ZC3H12C: variants seen among roughly 807,000 people sequenced by gnomAD.
ZC3H12C encodes the protein zinc finger CCCH-type containing 12C.
A neutral mutation model predicts 76.3 loss-of-function variants in ZC3H12C; 20 were observed. The ratio of observed to expected loss-of-function variants is 0.26; its 90% CI spans 0.18 to 0.38. The LOEUF (loss-of-function observed/expected upper bound fraction) is 0.38, where lower values mean the gene tolerates loss of function less well. Among genes scored for constraint, ZC3H12C ranks in the 10% least tolerant of loss-of-function variants. The pLI, the probability that ZC3H12C is intolerant of heterozygous loss-of-function variation, is 1.00. For missense variants in ZC3H12C, 874 were observed against 1,086.5 expected (o/e 0.80, Z 2.75); for synonymous variants, 352 against 399.6 (o/e 0.88, Z 1.42).
intron 2 of ZC3H12C, among the ~76,000 whole-genome samples, chr11:110,143,438 T>C (rs1456957852): frequency 1.3e-5 from 2 of 151,954 alleles, no homozygotes; most frequent in Non-Finnish European, 2.9e-5. Flanking sequence ...AGGCCTAAAA[T>C]ATGAGAAAAA....
intron 2 of ZC3H12C, among the ~76,000 whole-genome samples, chr11:110,149,356 T>A (rs1214399550): frequency 1.3e-5 from 2 of 152,190 alleles, no homozygotes; most frequent in African/African-American, 4.8e-5. Context: ...GGGAGGAGGA[T>A]GAAAGGCAGT....
rs1255139567 is a variant in ZC3H12C, at chr11:110,171,766, G to C, written c.*6029G>C. Reference sequence around the variant, plus strand: ...ATTGTGTAAGATAAACACATGGTCAGTATCAATGTAAATGTTAGAGCCATG... The same window carrying C: ...ATTGTGTAAGATAAACACATGGTCACTATCAATGTAAATGTTAGAGCCATG... On this transcript the variant is annotated 3_prime_UTR_variant, in exon 6 of 6. Coordinates refer to ENST00000278590, the MANE Select transcript of ZC3H12C (RefSeq NM_033390.2). 1 of 152,126 alleles carries C rather than the reference G, an allele frequency of 6.6e-6. No individual in the cohort carries two copies. The highest frequency in any genetic ancestry group is 6.5e-5 in the Admixed American group (1 of 15,276). 9.4% of individuals were successfully genotyped at this position (152,126 alleles called of 1,614,324 possible).
intron 2 of ZC3H12C, among the ~76,000 whole-genome samples, chr11:110,147,269 C>T (rs1277377175): frequency 6.6e-6 from 1 of 152,144 alleles, no homozygotes; most frequent in Non-Finnish European, 1.5e-5. Flanking sequence ...GGGAAAAGGT[C>T]ATATGCACTC....
intron 1 of ZC3H12C, among the ~76,000 whole-genome samples, chr11:110,132,008 A>G (rs555652283): frequency 6.6e-6 from 1 of 152,138 alleles, no homozygotes; most frequent in Non-Finnish European, 1.5e-5. Flanking sequence ...AACAGCACTC[A>G]CTCAAATACA....
chr11:110,130,975 A>T, intron 1 of ZC3H12C: 17 of 1,486,132 alleles, frequency 1.1e-5, no homozygotes, highest in Non-Finnish European at 1.5e-5. Context: ...TTAAGCAAAG[A>T]CATTACCATT....
intron 1 of ZC3H12C, chr11:110,131,206 T>C (rs1861859578): frequency 5.4e-6 from 5 of 934,490 alleles, no homozygotes; most frequent in Non-Finnish European, 8.3e-6. Context: ...CCAATGAAAG[T>C]CTACAAATTA....
intron 1 of ZC3H12C, among the ~76,000 whole-genome samples, chr11:110,097,068 TAAAG>T (rs1861126831): frequency 6.6e-6 from 1 of 152,226 alleles, no homozygotes; most frequent in Non-Finnish European, 1.5e-5. Flanking sequence ...TAGAGAGGTA[TAAAG>T]AATTTTTAAA....
At chr11:110,151,024 A>T (rs771908186) in intron 2 of ZC3H12C, among the ~76,000 whole-genome samples, 3 of 152,126 alleles carry the variant, frequency 2.0e-5, no homozygotes, top group African/African-American at 4.8e-5. Flanking sequence ...TTTCAACAAG[A>T]TGGAGATATT....
At chr11:110,155,859 A>T (rs1327251532) in intron 3 of ZC3H12C, among the ~76,000 whole-genome samples, 1 of 152,132 alleles carries the variant, frequency 6.6e-6, no homozygotes, top group Non-Finnish European at 1.5e-5. Context: ...ACTCGTCCTT[A>T]CCTTTCTAAT....
intron 3 of ZC3H12C, 102 bp downstream of exon 3, chr11:110,153,160 G>A (rs953323891): frequency 3.4e-5 from 47 of 1,367,988 alleles, no homozygotes; most frequent in Admixed American, 2.9e-4. Context: ...CTTGCTCAGC[G>A]CAGGCAGTGG....
intron 1 of ZC3H12C, among the ~76,000 whole-genome samples, chr11:110,118,513 C>T (rs1591465747): frequency 6.6e-6 from 1 of 152,140 alleles, no homozygotes; most frequent in South Asian, 2.1e-4. Flanking sequence ...TTAAGAAATA[C>T]AAGCCGGGCA....
chr11:110,101,750 A>G lies in ZC3H12C; in HGVS notation c.21+8318A>G, dbSNP rs181219845. 1.5e-3 allele frequency among the ~76,000 whole-genome samples: 232 copies of G among 151,976 alleles called. 1 individual carries two copies. The highest frequency in any genetic ancestry group is 5.5e-3 in the African/African-American group (229 of 41,430). On this transcript the variant is annotated intron_variant, in intron 1 of 5. Transcript: ENST00000278590. ...TTTTTAGTAGAGACGGGGTTTCACC[A>G]TATTGGCCAGGCTAGCCTTGAACTC...
rs762148511 is a variant in ZC3H12C, at chr11:110,166,731, A to G, written c.*994A>G. The G allele has an allele frequency of 6.6e-6, 1 of 152,180 alleles. No individual in the cohort carries two copies. Among genetic ancestry groups the G allele is most frequent in the Non-Finnish European group, 1.5e-5 (1 of 68,038 alleles). The allele number at this position is 152,180 out of a possible 1,614,324, so 9.4% of individuals were successfully genotyped here. On this transcript the variant is annotated 3_prime_UTR_variant, in exon 6 of 6. Coordinates refer to ENST00000278590, the MANE Select transcript of ZC3H12C (RefSeq NM_033390.2). ...TCACAATGCAACTTTTATATTTAAC[A>G]TACTCTTTAGCTTTCCTGCTATTTA...
At chr11:110,139,911 C>T (rs1190779212) in intron 2 of ZC3H12C, among the ~76,000 whole-genome samples, 4 of 144,172 alleles carry the variant, frequency 2.8e-5, no homozygotes, top group Non-Finnish European at 6.0e-5. Flanking sequence ...CTTTGTCACT[C>T]AGGCTGGAGT....
chr11:110,151,989 C>T (rs1472054051), intron 2 of ZC3H12C, among the ~76,000 whole-genome samples: 2 of 152,136 alleles, frequency 1.3e-5, no homozygotes, highest in African/African-American at 2.4e-5. Flanking sequence ...CATTTACCTT[C>T]AATATTTCAT....
chr11:110,138,411 T>G (rs1862009963), intron 2 of ZC3H12C, among the ~76,000 whole-genome samples: 1 of 152,164 alleles, frequency 6.6e-6, no homozygotes, highest in African/African-American at 2.4e-5. Context: ...GTATGTCATA[T>G]TAAATTTTCT....
intron 4 of ZC3H12C, among the ~76,000 whole-genome samples, chr11:110,161,096 G>A (rs1266291091): frequency 6.6e-6 from 1 of 151,890 alleles, no homozygotes; most frequent in Non-Finnish European, 1.5e-5. Context: ...TGTCTGCCTT[G>A]GCCTCCCAAA....
chr11:110,152,837 AT>A, intron 2 of ZC3H12C, 81 bp from the exon 3 acceptor site: 1 of 1,474,148 alleles, frequency 6.8e-7, no homozygotes, highest in Non-Finnish European at 9.2e-7. Context: ...TAACTATGTA[AT>A]ACTTTCTGTT....
chr11:110,159,229 G>A, intron 3 of ZC3H12C, 27 bp from the exon 4 acceptor site: 1 of 1,558,854 alleles, frequency 6.4e-7, no homozygotes, highest in Non-Finnish European at 8.7e-7. Context: ...TTTACTTTCT[G>A]CCATCCTACC....
Sources: gnomAD v4.1 joint callset for allele counts (sites outside exome capture counted in the v4.1 genomes callset) on GRCh38, gnomAD v4.1.1 for gene constraint, MANE v1.5 for transcripts, NCBI Gene and HGNC (gene_info 2026-07-23, HGNC 2026-07-21) for gene names.